The following CADM2 variants were observed in gnomAD, a reference collection of about 807,000 sequenced individuals.
The protein encoded by CADM2 is immunoglobulin superfamily member 4D.
In CADM2, 12 loss-of-function variants were observed where a neutral mutation model predicts 49.8. The observed-to-expected ratio is 0.24, with a 90% CI of 0.15 to 0.39. The LOEUF is 0.39. Among genes scored for constraint, CADM2 ranks in the 10% least tolerant of loss-of-function variants. The pLI is 1.00. For synonymous variants in CADM2, 214 were observed against 175.4 expected, an observed-to-expected ratio of 1.22 and a Z score of -1.74; for missense variants, 378 against 492.3, an observed-to-expected ratio of 0.77 and a Z score of 2.20.
At chr3:85,833,503 TC>T (rs2074273113) in intron 3 of CADM2, among the ~76,000 whole-genome samples, 1 of 151,814 alleles carries the variant, frequency 6.6e-6, no homozygotes, top group African/African-American at 2.4e-5. Flanking sequence ...TGATGCAATT[TC>T]AGAACCTGAT....
chr3:85,685,128 T>A (rs2066163495), intron 1 of CADM2, among the ~76,000 whole-genome samples: 1 of 152,054 alleles, frequency 6.6e-6, no homozygotes, highest in Non-Finnish European at 1.5e-5. Context: ...GGTGGGCACC[T>A]GTAGTGCCAG....
intron 1 of CADM2, among the ~76,000 whole-genome samples, chr3:85,167,923 A>G (rs948568524): frequency 2.0e-5 from 3 of 152,258 alleles, no homozygotes; most frequent in East Asian, 1.9e-4. Context: ...ATACATATAT[A>G]TCTCTCCACA....
intron 8 of CADM2, among the ~76,000 whole-genome samples, chr3:85,966,612 C>T (rs1252080878): frequency 2.0e-5 from 3 of 151,472 alleles, no homozygotes; most frequent in African/African-American, 7.3e-5. Context: ...GCAAATTTGA[C>T]CTTTACAACC....
intron 2 of CADM2, among the ~76,000 whole-genome samples, chr3:85,791,836 G>C (rs1244156569): frequency 1.3e-5 from 2 of 152,022 alleles, no homozygotes; most frequent in African/African-American, 4.8e-5. Context: ...CCATTCTCCT[G>C]CCTCAGCCTC....
At chr3:85,462,944 G>T (rs537360563) in intron 1 of CADM2, among the ~76,000 whole-genome samples, 121 of 152,162 alleles carry the variant, frequency 8.0e-4, no homozygotes, top group African/African-American at 2.9e-3. Context: ...GCACTGTTTG[G>T]ATTCTCTCCT....
At chr3:85,387,076 G>C (rs983963735) in intron 1 of CADM2, among the ~76,000 whole-genome samples, 10 of 152,128 alleles carry the variant, frequency 6.6e-5, no homozygotes, top group African/African-American at 1.9e-4. Context: ...TGGGAGTTAG[G>C]AGAGAATTTG....
At chr3:85,968,931 A>T (rs1725784183) in intron 8 of CADM2, among the ~76,000 whole-genome samples, 1 of 151,722 alleles carries the variant, frequency 6.6e-6, no homozygotes. Flanking sequence ...ACATATTGTT[A>T]CAACATATAT....
In CADM2 at chr3:85,070,133, T is replaced by G. The variant is rs113540884; in HGVS notation, c.61+110465T>G. On this transcript the variant is annotated intron_variant, in intron 1 of 9. Transcript: ENST00000383699. ...TCATAACATGTTCCATAGTGACATT[T>G]TACTACATTTTTTCATTATACATCC... 7.6e-3 allele frequency among the ~76,000 whole-genome samples: 1,150 copies of G among 152,270 alleles called. 16 individuals carry two copies. The highest frequency in any genetic ancestry group is 0.025 in the African/African-American group (1,044 of 41,562).
In CADM2 at chr3:84,959,683, G is replaced by T. The variant is rs1005126875; in HGVS notation, c.61+15G>T. ...CCTGCTACAAGGTAATCCCCGCCCC[G>T]GCGCAGGGAACATCAACTTCTCGCC... is the stretch of plus-strand genomic sequence containing the variant. On this transcript the variant is annotated intron_variant, in intron 1 of 9. Coordinates refer to ENST00000383699, the MANE Select transcript of CADM2 (RefSeq NM_001167675.2). 1 of 1,536,302 alleles carries T rather than the reference G, an allele frequency of 6.5e-7. No individual in the cohort carries two copies. Among genetic ancestry groups the T allele is most frequent in the African/African-American group, 1.4e-5 (1 of 72,966 alleles).
chr3:85,466,673 G>T (rs931269171), intron 1 of CADM2, among the ~76,000 whole-genome samples: 1 of 152,038 alleles, frequency 6.6e-6, no homozygotes, highest in Non-Finnish European at 1.5e-5. Context: ...TTTAGGCAAA[G>T]ATACGTTTAG....
rs145034675 is a variant in CADM2, at chr3:86,016,281, C to T, written c.971-49324C>T. 1.6e-3 allele frequency among the ~76,000 whole-genome samples: 248 copies of T among 152,084 alleles called. 5 individuals are homozygous for T. The East Asian group carries it at 0.044, about 27-fold the overall frequency. On this transcript the variant is annotated intron_variant, in intron 8 of 9. Coordinates refer to ENST00000383699, the MANE Select transcript of CADM2 (RefSeq NM_001167675.2). ...GCTACTACTTGGGAATGTATGCAAA[C>T]ATCTACCTATATCTTTTTATATTTA...
intron 5 of CADM2, among the ~76,000 whole-genome samples, chr3:85,893,011 T>G (rs984307894): frequency 1.3e-5 from 2 of 152,068 alleles, no homozygotes; most frequent in South Asian, 2.1e-4. Context: ...CAGAGGGAGA[T>G]GAGAAACTTG....
At chr3:85,878,829 G>T (rs1712311884) in intron 3 of CADM2, among the ~76,000 whole-genome samples, 1 of 151,986 alleles carries the variant, frequency 6.6e-6, no homozygotes, top group African/African-American at 2.4e-5. Flanking sequence ...AATTCCTTTT[G>T]TCTGGATTCA....
At chr3:85,749,345 G>T (rs1413376770) in intron 2 of CADM2, among the ~76,000 whole-genome samples, 1 of 151,802 alleles carries the variant, frequency 6.6e-6, no homozygotes, top group African/African-American at 2.4e-5. Flanking sequence ...AACCCTAGAA[G>T]AAATAGTTAT....
intron 1 of CADM2, among the ~76,000 whole-genome samples, chr3:85,558,634 A>G (rs2062018026): frequency 6.6e-6 from 1 of 152,036 alleles, no homozygotes; most frequent in African/African-American, 2.4e-5. Flanking sequence ...TAATCTTAGG[A>G]CTATTTGTTA....
chr3:85,337,502 T>C (rs1476225920), intron 1 of CADM2, among the ~76,000 whole-genome samples: 5 of 151,364 alleles, frequency 3.3e-5, no homozygotes, highest in Admixed American at 2.0e-4. Context: ...CTGAAGGGCA[T>C]AACTTAGTTA....
At chr3:85,346,033 A>G (rs1435090349) in intron 1 of CADM2, among the ~76,000 whole-genome samples, 1 of 152,186 alleles carries the variant, frequency 6.6e-6, no homozygotes, top group African/African-American at 2.4e-5. Flanking sequence ...AGTTTTTTCT[A>G]CTGGTCTTAC....
At chr3:84,961,225 C>G (rs1418524623) in intron 1 of CADM2, among the ~76,000 whole-genome samples, 2 of 152,164 alleles carry the variant, frequency 1.3e-5, no homozygotes, top group Non-Finnish European at 2.9e-5. Flanking sequence ...TGCATCCTCT[C>G]TCCTGCCCTC....
chr3:85,442,484 C>T (rs2037249817), intron 1 of CADM2, among the ~76,000 whole-genome samples: 1 of 150,372 alleles, frequency 6.7e-6, no homozygotes, highest in African/African-American at 2.5e-5. Flanking sequence ...AATAATTCAC[C>T]TTTGCTTCAA....
Sources: allele counts gnomAD v4.1 joint callset (sites outside exome capture counted in the v4.1 genomes callset), GRCh38; gene constraint gnomAD v4.1.1; transcripts MANE v1.5; gene names NCBI Gene and HGNC (gene_info 2026-07-23, HGNC 2026-07-21).